The following FPGT variants were observed in gnomAD, a reference collection of about 807,000 sequenced individuals.
The protein encoded by FPGT is fucose-1-phosphate guanylyltransferase.
In FPGT, 41 loss-of-function variants were observed where a neutral mutation model predicts 45.8. The observed-to-expected ratio is 0.90, with a 90% CI of 0.70 to 1.16. The LOEUF is 1.16. Among genes scored for constraint, FPGT ranks in the 50% most tolerant of loss-of-function variants. The pLI, the probability that FPGT is intolerant of heterozygous loss-of-function variation, is 0.00. For synonymous variants in FPGT, 292 were observed against 247.2 expected (o/e 1.18, Z -1.70); for missense variants, 755 against 689.1 (o/e 1.10, Z -1.07).
rs748925611 is a variant in FPGT, at chr1:74,198,302, G to A, written c.24G>A (p.Pro8=). Residue 8 remains proline, a synonymous_variant, in exon 1 of 4, where the codon CCG becomes CCA. Transcript: ENST00000370898. ...CTATGGCAGCTGCTAGGGACCCTCC[G>A]GAAGTATCGCTGCGAGAAGCCACCC... The part of the protein sequence containing the change: MAAARDP[P]EVSLREATQR... 3.7e-6 allele frequency: 6 copies of A among 1,614,022 alleles called. No homozygotes were observed. Among genetic ancestry groups the A allele is most frequent in the East Asian group, 2.2e-5 (1 of 44,872 alleles).
chr1:74,199,781 C>G lies in FPGT; in HGVS notation c.200C>G (p.Pro67Arg). ...GAAAAGCTGAAAAGAAAGGAGTTAC[C>G]CCTTGGAGTTCAATATCACGTTTTT... ...LSEKLKRKEL[P>R]LGVQYHVFVD... is the part of the protein sequence containing the mutation. The change falls in exon 2 of 4, where the codon CCC becomes CGC. Residue 67 changes from proline (P) to arginine (R), a missense_variant. By Grantham distance (103) the Pro-to-Arg change is moderately radical. Coordinates refer to ENST00000370898, the MANE Select transcript of FPGT (RefSeq NM_003838.5). 5.6e-6 allele frequency: 9 copies of G among 1,614,026 alleles called. No homozygotes were observed. Among genetic ancestry groups the G allele is most frequent in the Non-Finnish European group, 7.6e-6 (9 of 1,179,992 alleles).
chr1:74,202,372 A>G (rs1651875068), intron 3 of FPGT, among the ~76,000 whole-genome samples: 1 of 152,246 alleles, frequency 6.6e-6, no homozygotes, highest in Non-Finnish European at 1.5e-5. Context: ...ATGATGTCAA[A>G]GTAAAGCATC....
At chr1:74,200,214 G>A (rs944104751) in intron 2 of FPGT, among the ~76,000 whole-genome samples, 2 of 152,100 alleles carry the variant, frequency 1.3e-5, no homozygotes, top group African/African-American at 4.8e-5. Flanking sequence ...TGACCTCTTA[G>A]GGACATAATG....
chr1:74,205,998 A>G lies in FPGT; in HGVS notation c.*166A>G. 1 of 470,466 alleles carries G rather than the reference A, an allele frequency of 2.1e-6. No homozygotes were observed. The highest frequency in any genetic ancestry group is 3.7e-6 in the Non-Finnish European group (1 of 268,632). 29.1% of individuals were successfully genotyped at this position (470,466 alleles called of 1,614,324 possible). A position where few individuals can be genotyped will look rare whatever the true frequency, so the allele number is the denominator to read the frequency against. ...TACATATAAGTCATTTTGATGAAAA[A>G]TATTCCAAGACTAAGTTGAGAAAAG... On this transcript the variant is annotated 3_prime_UTR_variant, in exon 4 of 4. Coordinates refer to ENST00000370898, the MANE Select transcript of FPGT (RefSeq NM_003838.5).
chr1:74,199,364 C>T (rs573774763), intron 1 of FPGT, among the ~76,000 whole-genome samples: 33 of 152,188 alleles, frequency 2.2e-4, no homozygotes, highest in African/African-American at 7.0e-4. Flanking sequence ...AGTTAAAAGT[C>T]GCTCTCTTAA....
intron 2 of FPGT, 88 bp downstream of exon 2, chr1:74,199,919 C>T (rs1230845828): frequency 7.2e-7 from 1 of 1,382,350 alleles, no homozygotes; most frequent in African/African-American, 1.5e-5. Flanking sequence ...AGTGTATAAG[C>T]TGCATATCTC....
At chr1:74,204,046 A>G (rs1166360275) in intron 3 of FPGT, among the ~76,000 whole-genome samples, 1 of 152,010 alleles carries the variant, frequency 6.6e-6, no homozygotes, top group Non-Finnish European at 1.5e-5. Context: ...CATCTCAAAA[A>G]AAAAAAAACA....
chr1:74,205,195 C>T lies in FPGT; in HGVS notation c.1148C>T (p.Ser383Phe). The change falls in exon 4 of 4, where the codon TCC (serine) becomes TTC (phenylalanine). Residue 383 changes from serine (S) to phenylalanine (F), a missense_variant. Ser to Phe is a radical substitution (Grantham distance 155, BLOSUM62 -2). Transcript: ENST00000370898. ...NSLKSELGLQ[S>F]ITFSIFPDIP... ...TTAAAGTCAGAGCTCGGCTTACAGT[C>T]CATAACTTTTAGTATCTTTCCAGAT... is the stretch of plus-strand genomic sequence containing the variant. The T allele has an allele frequency of 3.7e-6, 6 of 1,613,860 alleles. No individual in the cohort carries two copies. The highest frequency in any genetic ancestry group is 5.1e-6 in the Non-Finnish European group (6 of 1,179,768).
chr1:74,198,271 G>T lies in FPGT; in HGVS notation c.-8G>T. 1.9e-6 allele frequency: 3 copies of T among 1,613,658 alleles called. No homozygotes were observed. The highest frequency in any genetic ancestry group is 2.5e-6 in the Non-Finnish European group (3 of 1,179,786). ...GCTGTGCGGCGCGGTCTCAGGGAAG[G>T]TGGGGCTATGGCAGCTGCTAGGGAC... On this transcript the variant is annotated 5_prime_UTR_variant, in exon 1 of 4. Coordinates refer to ENST00000370898, the MANE Select transcript of FPGT (RefSeq NM_003838.5).
At position 74,204,573 on chromosome 1, in the gene FPGT, G is replaced by A. The variant is rs1434179383; in HGVS notation, c.526G>A (p.Gly176Arg). The A allele has an allele frequency of 6.2e-7, 1 of 1,611,290 alleles. No individual in the cohort carries two copies. The highest frequency in any genetic ancestry group is 2.2e-5 in the East Asian group (1 of 44,860). Reference protein sequence around the residue: ...CADDIELYSIGEFEFIRFDKP... With the variant: ...CADDIELYSIREFEFIRFDKP... ...AGATGATATTGAACTTTATAGTATTGGAGAATTTGAGTTTATTAGGTTTGA... is the reference window on the plus strand; with the variant it reads ...AGATGATATTGAACTTTATAGTATTAGAGAATTTGAGTTTATTAGGTTTGA... The change falls in exon 4 of 4, where the codon GGA becomes AGA. Residue 176 changes from glycine to arginine, a missense_variant. Gly to Arg is a moderately radical substitution (Grantham distance 125). Transcript: ENST00000370898.
At chr1:74,200,225 C>T (rs1377930625) in intron 2 of FPGT, among the ~76,000 whole-genome samples, 1 of 152,126 alleles carries the variant, frequency 6.6e-6, no homozygotes, top group Non-Finnish European at 1.5e-5. Context: ...GGACATAATG[C>T]AGAATGCAAA....
rs753412149 is a variant in FPGT, at chr1:74,198,459, C to T, written c.82+99C>T. 9.2e-6 allele frequency: 14 copies of T among 1,527,932 alleles called. No individual in the cohort carries two copies. The South Asian group carries it at 1.5e-4, about 17-fold the overall frequency. The allele number at this position is 1,527,932 out of a possible 1,614,324, so 94.6% of individuals were successfully genotyped here. ...GGACTGTCACTTCCCGTTTACTTCT[C>T]ATCTGTAGGCCTATGACGCTCCCCA... On this transcript the variant is annotated intron_variant, in intron 1 of 3. Transcript: ENST00000370898.
chr1:74,200,202 C>G (rs985438268), intron 2 of FPGT, among the ~76,000 whole-genome samples: 1 of 152,190 alleles, frequency 6.6e-6, no homozygotes, highest in Admixed American at 6.5e-5. Flanking sequence ...AAAAAATACT[C>G]TTGACCTCTT....
chr1:74,199,100 C>T (rs997315021), intron 1 of FPGT, among the ~76,000 whole-genome samples: 13 of 152,162 alleles, frequency 8.5e-5, no homozygotes, highest in Admixed American at 2.0e-4. Context: ...AGAGTTGGGA[C>T]CTTCTGTTAT....
At position 74,208,020 on chromosome 1, in the gene FPGT, A is replaced by G. The variant is rs114959379; in HGVS notation, c.*2188A>G. On this transcript the variant is annotated 3_prime_UTR_variant, in exon 4 of 4. Transcript: ENST00000370898. ...AAACGTACCACCAATAATGTACCTA[A>G]TTCAACTGAAGTGACAGTCATATAC... 2.0e-3 allele frequency among the ~76,000 whole-genome samples: 298 copies of G among 152,106 alleles called. 1 individual carries two copies. The highest frequency in any genetic ancestry group is 6.8e-3 in the African/African-American group (284 of 41,524).
chr1:74,204,242 C>A, intron 3 of FPGT, 149 bp from the exon 4 acceptor site: 2 of 475,046 alleles, frequency 4.2e-6, no homozygotes, highest in Non-Finnish European at 7.2e-6. Context: ...TTTCATTATT[C>A]TTTCCTGATT....
intron 1 of FPGT, among the ~76,000 whole-genome samples, chr1:74,199,241 T>C (rs1187105964): frequency 1.3e-5 from 2 of 152,220 alleles, no homozygotes; most frequent in Admixed American, 6.5e-5. Context: ...GTGTCTTTCT[T>C]AGTCACCTAA....
chr1:74,204,628 C>A lies in FPGT; in HGVS notation c.581C>A (p.Pro194His). ...CCTGGCTTTACTGCTTTAGCTCATC[C>A]TTCTAGTTTGACGATAGGTACCACA... ...DKPGFTALAH[P>H]SSLTIGTTHG... The change falls in exon 4 of 4, where the codon CCT (proline) becomes CAT (histidine). Residue 194 changes from proline to histidine, a missense_variant. By Grantham distance (77) the Pro-to-His change is moderately conservative. Transcript: ENST00000370898. 1 of 1,613,810 alleles carries A rather than the reference C, an allele frequency of 6.2e-7. No individual in the cohort carries two copies. The highest frequency in any genetic ancestry group is 8.5e-7 in the Non-Finnish European group (1 of 1,179,778).
At position 74,206,093 on chromosome 1, in the gene FPGT, T is replaced by G. The variant is rs1383954200; in HGVS notation, c.*261T>G. The G allele has an allele frequency of 3.6e-6, 1 of 279,454 alleles. No individual in the cohort carries two copies. Among genetic ancestry groups the G allele is most frequent in the African/African-American group, 2.2e-5 (1 of 45,826 alleles). 17.3% of individuals were successfully genotyped at this position (279,454 alleles called of 1,614,324 possible). A position where few individuals can be genotyped will look rare whatever the true frequency, so the allele number is the denominator to read the frequency against. ...GATTGATTTGTGGAGCATTGTTTTT[T>G]CACATAATTAGTTTTAAAGGTAATT... On this transcript the variant is annotated 3_prime_UTR_variant, in exon 4 of 4. Transcript: ENST00000370898.
Sources: allele counts gnomAD v4.1 joint callset (sites outside exome capture counted in the v4.1 genomes callset), GRCh38; gene constraint gnomAD v4.1.1; transcripts MANE v1.5; gene names NCBI Gene and HGNC (gene_info 2026-07-23, HGNC 2026-07-21).